Variants in RPGRIP1L observed in about 807,000 individuals in gnomAD.
RPGRIP1L encodes protein fantom.
In RPGRIP1L, 131 loss-of-function variants were observed where a neutral mutation model predicts 160.4. That is an observed-to-expected ratio of 0.82 (90% confidence interval 0.71 to 0.94). The LOEUF is 0.94. RPGRIP1L is among the 40% of genes least tolerant of loss of function. The pLI is 0.00. For missense variants in RPGRIP1L, 1,522 were observed against 1,535.8 expected (o/e 0.99, Z 0.15); for synonymous variants, 510 against 515.8 (o/e 0.99, Z 0.15).
intron 5 of RPGRIP1L, among the ~76,000 whole-genome samples, chr16:53,686,915 T>C (rs1207558337): frequency 6.6e-6 from 1 of 152,192 alleles, no homozygotes; most frequent in Non-Finnish European, 1.5e-5. Context: ...CTTTCATATA[T>C]GCACATCTGC....
At chr16:53,629,636 A>C (rs150865966) in intron 22 of RPGRIP1L, among the ~76,000 whole-genome samples, 3,848 of 152,322 alleles carry the variant, frequency 0.025, 221 homozygotes, top group Admixed American at 0.14. Flanking sequence ...TTTTTGAGTC[A>C]ATCGATGCTC....
Position 53,645,662 on chromosome 16 carries a change from C to T in RPGRIP1L, c.2646G>A (p.Val882=), listed in dbSNP as rs1966492700. ...QENIYIGKVN[V]PLISLAHDRC... ...TGTCATGTGCCAACGAAATCAGAGG[C>T]ACATTGACTTTTCCTATGTAAATAT... The change falls in exon 17 of 27, where the codon GTG becomes GTA. Residue 882 remains valine (V), a synonymous_variant. Transcript: ENST00000647211. 6.2e-7 allele frequency: 1 copy of T among 1,613,800 alleles called. No individual in the cohort carries two copies. The highest frequency in any genetic ancestry group is 1.3e-5 in the African/African-American group (1 of 74,888).
At position 53,664,991 on chromosome 16, in the gene RPGRIP1L, A is replaced by G. The variant is rs1300202254; in HGVS notation, c.1122T>C (p.His374=). The G allele has an allele frequency of 6.2e-7, 1 of 1,613,658 alleles. No homozygotes were observed. The highest frequency in any genetic ancestry group is 8.5e-7 in the Non-Finnish European group (1 of 1,179,904). ...KLYDSAFSAA[H]EEQWKLKEQQ... ...GCTCCTTTAACTTCCATTGCTCTTC[A>G]TGGGCAGCACTGAAGGCACTGCAAA... The change falls in exon 10 of 27, where the codon CAT becomes CAC. Residue 374 remains histidine, a synonymous_variant. Coordinates refer to ENST00000647211, the MANE Select transcript of RPGRIP1L (RefSeq NM_015272.5).
intron 3 of RPGRIP1L, chr16:53,694,835 T>C (rs1231139641): frequency 6.5e-6 from 1 of 152,752 alleles, no homozygotes; most frequent in African/African-American, 2.4e-5. Context: ...AAGATAAATT[T>C]AAAGACAGTT....
intron 24 of RPGRIP1L, among the ~76,000 whole-genome samples, chr16:53,618,719 T>A (rs1964528934): frequency 6.6e-6 from 1 of 151,046 alleles, no homozygotes; most frequent in African/African-American, 2.4e-5. Flanking sequence ...AATTTTTGTA[T>A]TTTTTTTTGT....
intron 4 of RPGRIP1L, among the ~76,000 whole-genome samples, chr16:53,689,881 A>G (rs975204022): frequency 6.6e-6 from 1 of 152,214 alleles, no homozygotes; most frequent in Non-Finnish European, 1.5e-5. Flanking sequence ...AATCACCAAG[A>G]GAGTACAAAT....
At chr16:53,651,194 T>G (rs1431167550) in intron 15 of RPGRIP1L, among the ~76,000 whole-genome samples, 2 of 152,206 alleles carry the variant, frequency 1.3e-5, no homozygotes, top group African/African-American at 4.8e-5. Context: ...TAGCTGCTCA[T>G]GCCAGAAATT....
intron 25 of RPGRIP1L, among the ~76,000 whole-genome samples, chr16:53,606,553 G>T (rs1298128510): frequency 3.3e-5 from 5 of 152,120 alleles, no homozygotes; most frequent in Non-Finnish European, 7.4e-5. Flanking sequence ...CTGAAAGTAA[G>T]TATTCTATAT....
At chr16:53,634,575 C>T (rs541555329) in intron 22 of RPGRIP1L, among the ~76,000 whole-genome samples, 2 of 152,236 alleles carry the variant, frequency 1.3e-5, no homozygotes, top group African/African-American at 4.8e-5. Context: ...GCAAATCCCA[C>T]ACGAATAGAT....
intron 24 of RPGRIP1L, among the ~76,000 whole-genome samples, chr16:53,614,095 G>C (rs1252611135): frequency 6.6e-6 from 1 of 152,180 alleles, no homozygotes; most frequent in African/African-American, 2.4e-5. Flanking sequence ...ATCAAGGGAA[G>C]TCACCTCATT....
chr16:53,688,073 GGT>G, intron 4 of RPGRIP1L, 108 bp from the exon 5 acceptor site: 2 of 741,208 alleles, frequency 2.7e-6, no homozygotes, highest in Non-Finnish European at 4.6e-6. Flanking sequence ...AGTATTAAGA[GGT>G]ATGTGTTTTA....
chr16:53,689,139 A>G (rs931858546), intron 4 of RPGRIP1L, among the ~76,000 whole-genome samples: 2 of 151,274 alleles, frequency 1.3e-5, no homozygotes, highest in Admixed American at 6.6e-5. Context: ...ATATTTGTAC[A>G]TATCACTGGG....
chr16:53,653,123 GTAAA>G lies in RPGRIP1L; in HGVS notation c.1700-140_1700-137del, dbSNP rs779460173. 130 of 889,562 alleles carry G rather than the reference GTAAA, an allele frequency of 1.5e-4. 1 individual carries two copies. The highest frequency in any genetic ancestry group is 6.4e-4 in the Middle Eastern group (2 of 3,102). The allele number at this position is 889,562 out of a possible 1,614,324, so 55.1% of individuals were successfully genotyped here. ...AATTCTATGACTACACTGTTTTTCT[GTAAA>G]TAATACTTTATCGTACAAAAATTTA... On this transcript the variant is annotated intron_variant, in intron 14 of 26. Transcript: ENST00000647211.
intron 15 of RPGRIP1L, among the ~76,000 whole-genome samples, chr16:53,651,894 T>A (rs183826004): frequency 1.2e-4 from 19 of 152,028 alleles, no homozygotes; most frequent in African/African-American, 4.3e-4. Context: ...TTTATAATAG[T>A]TATAACTATT....
At chr16:53,669,033 A>G (rs183890129) in intron 9 of RPGRIP1L, among the ~76,000 whole-genome samples, 7 of 152,342 alleles carry the variant, frequency 4.6e-5, no homozygotes, top group African/African-American at 1.7e-4. Flanking sequence ...AATTTTGAAT[A>G]ACAAACAAAT....
At chr16:53,669,115 T>C (rs1262738300) in intron 9 of RPGRIP1L, among the ~76,000 whole-genome samples, 1 of 152,190 alleles carries the variant, frequency 6.6e-6, no homozygotes, top group Non-Finnish European at 1.5e-5. Flanking sequence ...TGATGAACAT[T>C]AGTTGTTGGC....
chr16:53,613,719 A>G (rs1454348302), intron 24 of RPGRIP1L, among the ~76,000 whole-genome samples: 2 of 152,224 alleles, frequency 1.3e-5, no homozygotes, highest in African/African-American at 4.8e-5. Context: ...CGAGTTGGCC[A>G]ACATGCTATA....
chr16:53,611,424 A>C (rs919302993), intron 24 of RPGRIP1L, among the ~76,000 whole-genome samples: 10 of 152,226 alleles, frequency 6.6e-5, no homozygotes, highest in Non-Finnish European at 1.5e-5. Flanking sequence ...AGTGATAATG[A>C]TAATGTATGG....
rs757594906 is a variant in RPGRIP1L at position 53,672,926 on chromosome 16, AG to A, written c.972del (p.Cys325AlafsTer10). 5 of 1,613,130 alleles carry A rather than the reference AG, an allele frequency of 3.1e-6. No individual in the cohort carries two copies. In the Admixed American group the frequency reaches 8.3e-5, roughly 27 times the overall value. ...NMQLKEQRLK[C>X]CSLEKQLHSM... ...GAATGTAATTGTTTCTCAAGACTGCAGCATTTTAAACGCTGCTCTTTAAGTT... is the reference window on the plus strand; with the variant it reads ...GAATGTAATTGTTTCTCAAGACTGCACATTTTAAACGCTGCTCTTTAAGTT... On this transcript the variant is annotated frameshift_variant, in exon 8 of 27. Transcript: ENST00000647211. LOFTEE classifies it high-confidence loss of function.
Sources: gnomAD v4.1 joint callset for allele counts (sites outside exome capture counted in the v4.1 genomes callset) on GRCh38, gnomAD v4.1.1 for gene constraint, MANE v1.5 for transcripts, NCBI Gene and HGNC (gene_info 2026-07-23, HGNC 2026-07-21) for gene names.